CPPED1: variants seen among roughly 807,000 people sequenced by gnomAD.
The protein encoded by CPPED1 is calcineurin like phosphoesterase domain containing 1, also known as serine/threonine-protein phosphatase CPPED1.
A neutral mutation model predicts 28.0 loss-of-function variants in CPPED1; 28 were observed. The ratio of observed to expected loss-of-function variants is 1.00; its 90% CI spans 0.74 to 1.37. The LOEUF is 1.37. Among genes scored for constraint, CPPED1 ranks in the 40% most tolerant of loss-of-function variants. The probability of loss-of-function intolerance (pLI) is 0.00; values close to 1 mark genes in which losing one functional copy is unlikely to be tolerated. For missense variants in CPPED1, 504 were observed against 416.5 expected (o/e 1.21, Z -1.83); for synonymous variants, 198 against 180.2 (o/e 1.10, Z -0.79).
At chr16:12,762,745 A>ATGTTT (rs962437950) in intron 2 of CPPED1, among the ~76,000 whole-genome samples, 4 of 152,012 alleles carry the variant, frequency 2.6e-5, no homozygotes, top group Admixed American at 1.3e-4. Flanking sequence ...GTTGATAAAA[A>ATGTTT]TGTTTTGTTT....
intron 2 of CPPED1, among the ~76,000 whole-genome samples, chr16:12,731,685 C>T (rs9923127): frequency 3.3e-5 from 5 of 151,372 alleles, no homozygotes; most frequent in South Asian, 2.1e-4. Context: ...CTCCCTCCCC[C>T]GCATTTGTCA....
Position 12,715,799 on chromosome 16 carries a change from A to G in CPPED1, c.290-10750T>C, listed in dbSNP as rs572807910. Among the ~76,000 whole-genome samples, 68 of 152,326 alleles carry G rather than the reference A, an allele frequency of 4.5e-4. 1 individual carries two copies. The highest frequency in any genetic ancestry group is 6.8e-3 in the Middle Eastern group (2 of 294). On this transcript the variant is annotated intron_variant, in intron 2 of 3. Transcript: ENST00000381774. ...AGCTTCACCGTCCCAAAGTGCCGGGATTACAGGCATGAGCCACCACTCTCA... is the reference window on the plus strand; with the variant it reads ...AGCTTCACCGTCCCAAAGTGCCGGGGTTACAGGCATGAGCCACCACTCTCA...
chr16:12,725,176 A>G (rs2080163660), intron 2 of CPPED1, among the ~76,000 whole-genome samples: 1 of 150,324 alleles, frequency 6.7e-6, no homozygotes, highest in African/African-American at 2.5e-5. Context: ...TCACTGCAGC[A>G]TCTGCCTCTC....
In CPPED1 at chr16:12,664,858, G is replaced by C. The variant is rs1329213158; in HGVS notation, c.*28C>G. On this transcript the variant is annotated 3_prime_UTR_variant, in exon 4 of 4. Transcript: ENST00000381774. This position sits in a 1 kb window ranked among gnomAD's most constrained non-coding sequence, Gnocchi z 4.2. Reference sequence around the variant, plus strand: ...GGCAAAATAAAAAAATAGTGCAAGTGAAAAGTGAACGGGAACGGGAAGGAG... The same window carrying C: ...GGCAAAATAAAAAAATAGTGCAAGTCAAAAGTGAACGGGAACGGGAAGGAG... The C allele has an allele frequency of 6.2e-7, 1 of 1,609,000 alleles. No homozygotes were observed. The highest frequency in any genetic ancestry group is 8.5e-7 in the Non-Finnish European group (1 of 1,178,596).
intron 2 of CPPED1, among the ~76,000 whole-genome samples, chr16:12,757,178 C>T (rs1380115415): frequency 6.6e-6 from 1 of 152,086 alleles, no homozygotes; most frequent in Non-Finnish European, 1.5e-5. Flanking sequence ...TAAGTTATAG[C>T]ACCTCGAGGG....
At position 12,709,967 on chromosome 16, in the gene CPPED1, G is replaced by A. The variant is rs961048081; in HGVS notation, c.290-4918C>T. ...GGGAGGAAGGAAAGAAGGGAAGGAA[G>A]GCAAGGAAGGAAGGAAGGGAAGAGA... On this transcript the variant is annotated intron_variant, in intron 2 of 3. Transcript: ENST00000381774. This position sits in a 1 kb window ranked among gnomAD's most constrained non-coding sequence, Gnocchi z 4.4. Among the ~76,000 whole-genome samples the A allele has an allele frequency of 3.4e-5, 5 of 147,370 alleles. No homozygotes were observed. The highest frequency in any genetic ancestry group is 7.5e-5 in the African/African-American group (3 of 39,906).
chr16:12,677,962 G>C (rs989214020), intron 3 of CPPED1, among the ~76,000 whole-genome samples: 4 of 152,182 alleles, frequency 2.6e-5, no homozygotes, highest in African/African-American at 4.8e-5. Context: ...GCCATAGAAA[G>C]TATATAAGCT....
chr16:12,790,956 T>C (rs1233140098), intron 1 of CPPED1, among the ~76,000 whole-genome samples: 2 of 149,468 alleles, frequency 1.3e-5, no homozygotes, highest in African/African-American at 2.5e-5. Context: ...GAACATAGTA[T>C]TAGTATGTCT....
Position 12,739,274 on chromosome 16 carries a change from C to T in CPPED1, c.290-34225G>A, listed in dbSNP as rs140618877. 3.3e-5 allele frequency among the ~76,000 whole-genome samples: 5 copies of T among 152,214 alleles called. No individual in the cohort carries two copies. In the East Asian group the frequency reaches 9.7e-4, roughly 29 times the overall value. Reference sequence around the variant, plus strand: ...AGTCCAAGCAAGTGAGTTTTTTCTACCTGTCCATTAATACCAAAGTGCTGG... The same window carrying T: ...AGTCCAAGCAAGTGAGTTTTTTCTATCTGTCCATTAATACCAAAGTGCTGG... On this transcript the variant is annotated intron_variant, in intron 2 of 3. Coordinates refer to ENST00000381774, the MANE Select transcript of CPPED1 (RefSeq NM_018340.3).
chr16:12,782,463 G>A (rs1279503559), intron 1 of CPPED1, among the ~76,000 whole-genome samples: 1 of 151,756 alleles, frequency 6.6e-6, no homozygotes, highest in African/African-American at 2.4e-5. Context: ...TGAAGAAACT[G>A]AGGCCCGGAG....
rs1401005487 is a variant in CPPED1, at chr16:12,663,282, A to AACTCCTGATCTCAGGTG, written c.*1587_*1603dup. 6.6e-6 allele frequency: 1 copy of AACTCCTGATCTCAGGTG among 152,112 alleles called. No homozygotes were observed. Among genetic ancestry groups the AACTCCTGATCTCAGGTG allele is most frequent in the Non-Finnish European group, 1.5e-5 (1 of 68,090 alleles). 9.4% of individuals were successfully genotyped at this position (152,112 alleles called of 1,614,324 possible). On this transcript the variant is annotated 3_prime_UTR_variant, in exon 4 of 4. Coordinates refer to ENST00000381774, the MANE Select transcript of CPPED1 (RefSeq NM_018340.3). ...CACCATGTTGGCCAGGCTGTTCTCA[A>AACTCCTGATCTCAGGTG]ACTCCTGATCTCAGGTGATCTGCCC...
At chr16:12,712,615 C>T (rs76226835) in intron 2 of CPPED1, among the ~76,000 whole-genome samples, 5,160 of 152,058 alleles carry the variant, frequency 0.034, 132 homozygotes, top group East Asian at 0.1. Flanking sequence ...GAAGGAGATC[C>T]GAATTTAGTG....
At chr16:12,754,879 G>A (rs1050839118) in intron 2 of CPPED1, among the ~76,000 whole-genome samples, 1 of 152,162 alleles carries the variant, frequency 6.6e-6, no homozygotes, top group Non-Finnish European at 1.5e-5. Context: ...CGGCATGGTG[G>A]TGTGTACTTG....
chr16:12,768,661 T>C (rs949211271), intron 2 of CPPED1, among the ~76,000 whole-genome samples: 3 of 152,198 alleles, frequency 2.0e-5, no homozygotes, highest in Non-Finnish European at 2.9e-5. Context: ...TCCTGTGAAC[T>C]TCGATGGGAG....
intron 1 of CPPED1, among the ~76,000 whole-genome samples, chr16:12,787,716 C>CT (rs1459463798): frequency 6.6e-6 from 1 of 152,118 alleles, no homozygotes; most frequent in Non-Finnish European, 1.5e-5. Flanking sequence ...GCGAATTTAA[C>CT]TTTTTCAACG....
At chr16:12,736,742 T>C (rs2080228620) in intron 2 of CPPED1, among the ~76,000 whole-genome samples, 1 of 152,228 alleles carries the variant, frequency 6.6e-6, no homozygotes, top group South Asian at 2.1e-4. Flanking sequence ...ACAACAAAAG[T>C]GTCTGCCTTC....
chr16:12,737,746 C>T lies in CPPED1; in HGVS notation c.290-32697G>A, dbSNP rs991491370. Among the ~76,000 whole-genome samples, 3 of 152,112 alleles carry T rather than the reference C, an allele frequency of 2.0e-5. No homozygotes were observed. The South Asian group carries it at 6.2e-4, about 32-fold the overall frequency. On this transcript the variant is annotated intron_variant, in intron 2 of 3. Coordinates refer to ENST00000381774, the MANE Select transcript of CPPED1 (RefSeq NM_018340.3). ...GAGAAGAAAAGGGACACTGGAGCTG[C>T]GCAGCAAAAGGGCTCTGAGGTCGCC...
intron 2 of CPPED1, among the ~76,000 whole-genome samples, chr16:12,712,318 G>A (rs1380554396): frequency 6.6e-6 from 1 of 152,128 alleles, no homozygotes; most frequent in Non-Finnish European, 1.5e-5. Context: ...TCAACTATAT[G>A]GTTAAGATCA....
At chr16:12,784,036 A>G (rs559552663) in intron 1 of CPPED1, among the ~76,000 whole-genome samples, 2 of 152,298 alleles carry the variant, frequency 1.3e-5, no homozygotes, top group Admixed American at 6.5e-5. Context: ...CCTCCCTTTG[A>G]GTGTGGGCTG....
Sources: gnomAD v4.1 joint callset for allele counts (sites outside exome capture counted in the v4.1 genomes callset) on GRCh38, gnomAD v4.1.1 for gene constraint, Gnocchi (gnomAD v3.1) non-coding constraint, MANE v1.5 for transcripts, NCBI Gene and HGNC (gene_info 2026-07-23, HGNC 2026-07-21) for gene names.